Variants in DSG2 observed in about 807,000 individuals in gnomAD.
DSG2 encodes desmoglein-2.
Under a neutral mutation model 75.6 loss-of-function variants are expected in DSG2, and 45 were observed. The observed-to-expected ratio is 0.60, with a 90% confidence interval of 0.47 to 0.76. The LOEUF (loss-of-function observed/expected upper bound fraction) is 0.76, where lower values mean the gene tolerates loss of function less well. Among genes scored for constraint, DSG2 ranks in the 30% least tolerant of loss-of-function variants. DSG2 has a pLI of 0.00. For synonymous variants in DSG2, 429 were observed against 483.9 expected, an observed-to-expected ratio of 0.89 and a Z score of 1.49; for missense variants, 1,267 against 1,357.4, an observed-to-expected ratio of 0.93 and a Z score of 1.05.
At chr18:31,530,866 T>C (rs1473610550) in intron 8 of DSG2, 121 bp from the exon 9 acceptor site, 4 of 952,592 alleles carry the variant, frequency 4.2e-6, no homozygotes, top group Non-Finnish European at 6.4e-6. Flanking sequence ...TATTCAGTGC[T>C]GCTATATTTC....
rs768958492 is a variant in DSG2, at chr18:31,526,581, A to G, written c.1014+1693A>G. Among the ~76,000 whole-genome samples the G allele has an allele frequency of 4.4e-4, 67 of 152,194 alleles. 1 individual carries two copies. The highest frequency in any genetic ancestry group is 5.1e-4 in the African/African-American group (21 of 41,450). ...ATCAGTTTATCTGCTTGTGTCATCA[A>G]TTTTTAAGCCATCAATTTATAGGTA... On this transcript the variant is annotated intron_variant, in intron 8 of 14. Coordinates refer to ENST00000261590, the MANE Select transcript of DSG2 (RefSeq NM_001943.5).
chr18:31,517,575 T>A (rs549860735), intron 1 of DSG2, among the ~76,000 whole-genome samples: 1 of 152,330 alleles, frequency 6.6e-6, no homozygotes, highest in African/African-American at 2.4e-5. Flanking sequence ...CTTTAATGCA[T>A]CAATTTTTAA....
rs544872652 is a variant in DSG2 at position 31,537,395 on chromosome 18, G to A, written c.1651+966G>A. ...AGCACTTTGGGAGGCCAAGGCAGGC[G>A]GATCATGAGGTCAGGAGATCGAGAC... On this transcript the variant is annotated intron_variant, in intron 11 of 14. Transcript: ENST00000261590. 1.2e-4 allele frequency among the ~76,000 whole-genome samples: 18 copies of A among 152,244 alleles called. No individual in the cohort carries two copies. In the South Asian group the frequency reaches 1.5e-3, roughly 12 times the overall value.
In DSG2 at chr18:31,542,687, C is replaced by T. The variant is rs2073276369; in HGVS notation, c.2169C>T (p.Ser723=). The T allele has an allele frequency of 1.2e-6, 2 of 1,614,186 alleles. No homozygotes were observed. Among genetic ancestry groups the T allele is most frequent in the South Asian group, 1.1e-5 (1 of 91,080 alleles). The change falls in exon 14 of 15, where the codon AGC becomes AGT. Residue 723 remains serine (S), a synonymous_variant. Transcript: ENST00000261590. The stretch of plus-strand genomic sequence containing the variant: ...ATGGAAGGTGGGAAGAACACAGAAG[C>T]CTGCTTTCTGGTAGAGCTACCCAGT... ...EMDGRWEEHR[S]LLSGRATQFT...
intron 1 of DSG2, among the ~76,000 whole-genome samples, chr18:31,513,197 T>G (rs1219217121): frequency 6.6e-6 from 1 of 152,238 alleles, no homozygotes; most frequent in Non-Finnish European, 1.5e-5. Context: ...GAGAGAGAGT[T>G]GGTCCAAATT....
rs1196049996 is a variant in DSG2, at chr18:31,517,987, TTTTG to T, written c.46-244_46-241del. Among the ~76,000 whole-genome samples, 3 of 152,292 alleles carry T rather than the reference TTTTG, an allele frequency of 2.0e-5. No homozygotes were observed. The East Asian group carries it at 5.8e-4, about 29-fold the overall frequency. On this transcript the variant is annotated intron_variant, in intron 1 of 14. Coordinates refer to ENST00000261590, the MANE Select transcript of DSG2 (RefSeq NM_001943.5). ...GTCTAAGATTTCACAAGGCAGATTATTTTGTTTGTTTTTTAAGATACTGTTTTCT... is the reference window on the plus strand; with the variant it reads ...GTCTAAGATTTCACAAGGCAGATTATTTTGTTTTTTAAGATACTGTTTTCT...
chr18:31,510,258 C>A (rs1388760270), intron 1 of DSG2, among the ~76,000 whole-genome samples: 1 of 152,232 alleles, frequency 6.6e-6, no homozygotes, highest in Non-Finnish European at 1.5e-5. Context: ...ATTATAGTGA[C>A]TGAAAGTTGA....
At position 31,538,853 on chromosome 18, in the gene DSG2, T is replaced by G. The variant is rs1226887053; in HGVS notation, c.1754T>G (p.Val585Gly). 6.2e-6 allele frequency: 10 copies of G among 1,614,036 alleles called. No homozygotes were observed. Among genetic ancestry groups the G allele is most frequent in the Non-Finnish European group, 6.8e-6 (8 of 1,180,020 alleles). ...GGTTTTAGTTGTCCTGAAAAGCAGGTCCTTACACTCACAGTTTGTGAGTGT... is the reference window on the plus strand; with the variant it reads ...GGTTTTAGTTGTCCTGAAAAGCAGGGCCTTACACTCACAGTTTGTGAGTGT... ...NQGFSCPEKQVLTLTVCECLH... is the reference protein window; with the variant it reads ...NQGFSCPEKQGLTLTVCECLH... Residue 585 changes from valine to glycine, a missense_variant, in exon 12 of 15, where the codon GTC becomes GGC. Val to Gly is a moderately radical substitution (Grantham distance 109). Transcript: ENST00000261590.
chr18:31,522,410 A>G (rs753762212), intron 6 of DSG2, 161 bp downstream of exon 6: 20 of 689,730 alleles, frequency 2.9e-5, no homozygotes, highest in Non-Finnish European at 4.8e-5. Context: ...AATATGGGCC[A>G]TGTGACTATT....
At chr18:31,501,963 A>G (rs1310140941) in intron 1 of DSG2, among the ~76,000 whole-genome samples, 1 of 152,234 alleles carries the variant, frequency 6.6e-6, no homozygotes, top group Admixed American at 6.5e-5. Flanking sequence ...AGAATACATT[A>G]AAGTATAAAT....
chr18:31,548,913 TAGGG>T lies in DSG2; in HGVS notation c.*2173_*2176del, dbSNP rs2073333937. Reference sequence around the variant, plus strand: ...TTACAAGGAATATAACTCAGTTTGTTAGGGAGAGTGCCTTAAAGGCAGGTGTTTC... The same window carrying T: ...TTACAAGGAATATAACTCAGTTTGTTAGAGTGCCTTAAAGGCAGGTGTTTC... On this transcript the variant is annotated 3_prime_UTR_variant, in exon 15 of 15. Transcript: ENST00000261590. 1.3e-5 allele frequency: 2 copies of T among 151,446 alleles called. No homozygotes were observed. Among genetic ancestry groups the T allele is most frequent in the African/African-American group, 4.9e-5 (2 of 40,932 alleles). The allele number at this position is 151,446 out of a possible 1,614,324, so 9.4% of individuals were successfully genotyped here.
At chr18:31,524,220 C>T in intron 6 of DSG2, among the ~76,000 whole-genome samples, 1 of 152,210 alleles carries the variant, frequency 6.6e-6, no homozygotes, top group East Asian at 1.9e-4. Context: ...ATAATATCAC[C>T]AATGACTTAT....
intron 8 of DSG2, among the ~76,000 whole-genome samples, chr18:31,527,832 G>A (rs1449745035): frequency 6.6e-6 from 1 of 152,200 alleles, no homozygotes. Flanking sequence ...GATCAAAGCA[G>A]ATGCAGTGTC....
rs1416470276 is a variant in DSG2 at position 31,548,571 on chromosome 18, A to G, written c.*1828A>G. The G allele has an allele frequency of 5.3e-5, 8 of 152,136 alleles. No homozygotes were observed. Among genetic ancestry groups the G allele is most frequent in the African/African-American group, 1.9e-4 (8 of 41,422 alleles). The allele number at this position is 152,136 out of a possible 1,614,324, so 9.4% of individuals were successfully genotyped here. ...ATTGTTGTTTCTTTTATTATTATAG[A>G]CTTACTATCAGTTTTATTTTGCCAA... On this transcript the variant is annotated 3_prime_UTR_variant, in exon 15 of 15. Transcript: ENST00000261590.
intron 8 of DSG2, among the ~76,000 whole-genome samples, chr18:31,525,479 G>A (rs1185542587): frequency 6.6e-6 from 1 of 151,488 alleles, no homozygotes; most frequent in African/African-American, 2.4e-5. Context: ...TGGTCACACT[G>A]CTGCACTCCA....
At chr18:31,509,442 A>T (rs201962824) in intron 1 of DSG2, among the ~76,000 whole-genome samples, 3 of 123,978 alleles carry the variant, frequency 2.4e-5, no homozygotes, top group African/African-American at 9.5e-5. Flanking sequence ...CTTTTTTTTT[A>T]AATTAGCAAT....
Position 31,531,119 on chromosome 18 carries a change from A to C in DSG2, c.1147A>C (p.Lys383Gln), listed in dbSNP as rs560793615. The C allele has an allele frequency of 6.2e-7, 1 of 1,614,134 alleles. No individual in the cohort carries two copies. The highest frequency in any genetic ancestry group is 1.3e-5 in the African/African-American group (1 of 75,042). The stretch of plus-strand genomic sequence containing the variant: ...CATCAAGGTCAAAGTGAAAAATGTG[A>C]AAGAAGGCATTCATTTTAAAAGCAG... ...IPIKVKVKNV[K>Q]EGIHFKSSVI... Residue 383 changes from lysine to glutamine, a missense_variant, in exon 9 of 15, where the codon AAA becomes CAA. By Grantham distance (53) the Lys-to-Gln change is moderately conservative. Coordinates refer to ENST00000261590, the MANE Select transcript of DSG2 (RefSeq NM_001943.5).
At chr18:31,531,783 C>T (rs1257902899) in intron 9 of DSG2, among the ~76,000 whole-genome samples, 1 of 152,230 alleles carries the variant, frequency 6.6e-6, no homozygotes, top group Non-Finnish European at 1.5e-5. Flanking sequence ...GACCTTTACT[C>T]AGAGTACATT....
At chr18:31,527,754 C>G (rs548314454) in intron 8 of DSG2, among the ~76,000 whole-genome samples, 1 of 152,306 alleles carries the variant, frequency 6.6e-6, no homozygotes, top group Admixed American at 6.5e-5. Flanking sequence ...CAACAAAATG[C>G]CATCATCTGG....
Sources: gnomAD v4.1 joint callset for allele counts (sites outside exome capture counted in the v4.1 genomes callset) on GRCh38, gnomAD v4.1.1 for gene constraint, MANE v1.5 for transcripts, NCBI Gene and HGNC (gene_info 2026-07-23, HGNC 2026-07-21) for gene names.